Variants in DLG2 observed in about 807,000 individuals in gnomAD.
DLG2 encodes the protein discs large MAGUK scaffold protein 2, also known as disks large homolog 2.
In DLG2, 45 loss-of-function variants were observed where a neutral mutation model predicts 132.5. That is an observed-to-expected ratio of 0.34 (90% CI 0.27 to 0.44). The LOEUF (loss-of-function observed/expected upper bound fraction) is 0.44, where lower values mean the gene tolerates loss of function less well. Among genes scored for constraint, DLG2 ranks in the 20% least tolerant of loss-of-function variants. The pLI, the probability that DLG2 is intolerant of heterozygous loss-of-function variation, is 1.00. For missense variants in DLG2, 1,045 were observed against 1,196.9 expected (o/e 0.87, Z 1.87); for synonymous variants, 424 against 419.6 (o/e 1.01, Z -0.13).
At chr11:83,793,489 G>A (rs1018814139) in intron 17 of DLG2, among the ~76,000 whole-genome samples, 2 of 152,138 alleles carry the variant, frequency 1.3e-5, no homozygotes, top group African/African-American at 4.8e-5. Flanking sequence ...CAATTTCTTG[G>A]ACGTTTCCTT....
chr11:84,200,656 C>T (rs907645442), intron 8 of DLG2, among the ~76,000 whole-genome samples: 2 of 152,066 alleles, frequency 1.3e-5, no homozygotes, highest in Non-Finnish European at 2.9e-5. Context: ...TTGAAGAGGT[C>T]CTTCACTTCC....
At chr11:84,471,829 A>C (rs1047548218) in intron 7 of DLG2, among the ~76,000 whole-genome samples, 1 of 151,762 alleles carries the variant, frequency 6.6e-6, no homozygotes, top group African/African-American at 2.4e-5. Context: ...CCTGCTTTGA[A>C]TCTGCTGTTA....
chr11:84,213,754 G>A (rs1027799823), intron 8 of DLG2, among the ~76,000 whole-genome samples: 10 of 149,332 alleles, frequency 6.7e-5, no homozygotes, highest in Admixed American at 6.1e-4. Context: ...GAGAGGCGGA[G>A]CTTGCAGTGA....
chr11:85,434,885 C>T (rs747184354), intron 3 of DLG2, among the ~76,000 whole-genome samples: 2 of 152,142 alleles, frequency 1.3e-5, no homozygotes, highest in Non-Finnish European at 2.9e-5. Context: ...AAGCTTCAGG[C>T]CAATATCCCT....
chr11:83,675,809 G>A (rs2077580128), intron 18 of DLG2, among the ~76,000 whole-genome samples: 1 of 152,276 alleles, frequency 6.6e-6, no homozygotes, highest in South Asian at 2.1e-4. Flanking sequence ...TGACTGCAAA[G>A]AGCATTTTTC....
At chr11:83,613,915 G>A (rs1173148355) in intron 19 of DLG2, among the ~76,000 whole-genome samples, 1 of 152,182 alleles carries the variant, frequency 6.6e-6, no homozygotes, top group Admixed American at 6.5e-5. Context: ...CTGGGCTGGG[G>A]TGAGACATCA....
chr11:83,858,596 A>G (rs1187635713), intron 16 of DLG2, among the ~76,000 whole-genome samples: 1 of 152,174 alleles, frequency 6.6e-6, no homozygotes, highest in Non-Finnish European at 1.5e-5. Context: ...ACATTATAAT[A>G]TCCTTTTTTG....
chr11:84,315,865 C>A (rs2154394672), intron 7 of DLG2, among the ~76,000 whole-genome samples: 1 of 152,182 alleles, frequency 6.6e-6, no homozygotes, highest in Non-Finnish European at 1.5e-5. Context: ...GTCACCATAA[C>A]ATTTTATTTA....
intron 15 of DLG2, among the ~76,000 whole-genome samples, chr11:83,883,919 A>C (rs1399120199): frequency 6.6e-6 from 1 of 152,220 alleles, no homozygotes; most frequent in African/African-American, 2.4e-5. Flanking sequence ...CTACTTCAAA[A>C]AGGAAAGCAA....
intron 3 of DLG2, among the ~76,000 whole-genome samples, chr11:85,524,717 C>T (rs1023138815): frequency 1.3e-5 from 2 of 152,150 alleles, no homozygotes; most frequent in African/African-American, 4.8e-5. Context: ...GGGTCTCAAG[C>T]TCCTGGACTC....
intron 3 of DLG2, among the ~76,000 whole-genome samples, chr11:85,542,623 A>C (rs578144531): frequency 6.6e-6 from 1 of 152,304 alleles, no homozygotes; most frequent in African/African-American, 2.4e-5. Context: ...TCTGGGTTTT[A>C]AAGGAGATTT....
intron 18 of DLG2, among the ~76,000 whole-genome samples, chr11:83,704,146 A>T (rs967962114): frequency 2.6e-5 from 4 of 152,202 alleles, no homozygotes; most frequent in African/African-American, 9.6e-5. Context: ...TAAGATATTT[A>T]ACTTTCTAAG....
At chr11:83,705,804 A>C (rs750619260) in intron 18 of DLG2, among the ~76,000 whole-genome samples, 9 of 152,250 alleles carry the variant, frequency 5.9e-5, no homozygotes, top group Non-Finnish European at 1.2e-4. Context: ...ATAGACTCAA[A>C]AGCATATGAA....
chr11:85,577,127 A>T (rs1189552597), intron 3 of DLG2, among the ~76,000 whole-genome samples: 1 of 152,194 alleles, frequency 6.6e-6, no homozygotes, highest in Non-Finnish European at 1.5e-5. Context: ...AGAAAGTGAC[A>T]GGAAGCCAGT....
At chr11:83,702,286 C>T (rs1015726187) in intron 18 of DLG2, among the ~76,000 whole-genome samples, 1 of 152,114 alleles carries the variant, frequency 6.6e-6, no homozygotes, top group African/African-American at 2.4e-5. Flanking sequence ...GATATAGACA[C>T]CTACAGTTTC....
chr11:85,540,104 G>A (rs76677289), intron 3 of DLG2, among the ~76,000 whole-genome samples: 2 of 152,202 alleles, frequency 1.3e-5, no homozygotes, highest in African/African-American at 2.4e-5. Flanking sequence ...GGGGCAAAGC[G>A]GCAGGGGGGT....
chr11:85,379,402 A>G (rs979576838), intron 3 of DLG2, among the ~76,000 whole-genome samples: 4 of 152,186 alleles, frequency 2.6e-5, no homozygotes, highest in African/African-American at 4.8e-5. Flanking sequence ...TTAAAAAATC[A>G]TCTCCTAGTA....
intron 16 of DLG2, among the ~76,000 whole-genome samples, chr11:83,860,117 C>T (rs957917050): frequency 1.3e-5 from 2 of 152,212 alleles, no homozygotes; most frequent in Non-Finnish European, 2.9e-5. Context: ...CGGAAAACCT[C>T]TGCTAGGGCA....
chr11:85,546,325 G>A (rs756250912), intron 3 of DLG2, among the ~76,000 whole-genome samples: 19 of 152,182 alleles, frequency 1.2e-4, no homozygotes, highest in Non-Finnish European at 2.1e-4. Context: ...TTAATCCTGA[G>A]TTCTAATTTG....
Sources: allele counts gnomAD v4.1 joint callset (sites outside exome capture counted in the v4.1 genomes callset), GRCh38; gene constraint gnomAD v4.1.1; transcripts MANE v1.5; gene names NCBI Gene and HGNC (gene_info 2026-07-23, HGNC 2026-07-21).